Variants in ADCY7 observed in about 807,000 individuals in gnomAD.
ADCY7 encodes the protein adenylate cyclase type 7.
Under a neutral mutation model 120.6 loss-of-function variants are expected in ADCY7, and 72 were observed. That is an observed-to-expected ratio of 0.60 (90% confidence interval 0.49 to 0.73). The LOEUF (loss-of-function observed/expected upper bound fraction) is 0.73. Ranked by LOEUF, ADCY7 falls within the 30% of genes least tolerant of loss-of-function variation. The pLI is 0.00. For missense variants in ADCY7, 1,227 were observed against 1,486.0 expected (o/e 0.83, Z 2.87); for synonymous variants, 661 against 628.0 (o/e 1.05, Z -0.78).
At position 50,307,042 on chromosome 16, in the gene ADCY7, GC is replaced by G; in HGVS notation, c.1753-3del. 4 of 1,604,588 alleles carry G rather than the reference GC, an allele frequency of 2.5e-6. No homozygotes were observed. Among genetic ancestry groups the G allele is most frequent in the Non-Finnish European group, 1.7e-6 (2 of 1,178,870 alleles). ...GTGGCCACCCCTCACAGTCCCTGCT[GC>G]CCCCAGTACCGCCTGGCACCCATCC... On this transcript the variant is annotated splice_polypyrimidine_tract_variant and splice_region_variant and intron_variant, in intron 14 of 25. Transcript: ENST00000673801.
At chr16:50,306,960 G>A (rs1481446873) in intron 14 of ADCY7, 90 bp from the exon 15 acceptor site, 3 of 961,346 alleles carry the variant, frequency 3.1e-6, no homozygotes, top group East Asian at 5.1e-5. Context: ...TCCCAGCAGG[G>A]AGGTGTTTTT....
chr16:50,284,216 T>C (rs1205238761), intron 1 of ADCY7, among the ~76,000 whole-genome samples: 1 of 152,108 alleles, frequency 6.6e-6, no homozygotes, highest in Non-Finnish European at 1.5e-5. Context: ...AGTGAGTTCA[T>C]TCCCCCCAGG....
Position 50,308,329 on chromosome 16 carries a change from C to T in ADCY7, c.1853C>T (p.Thr618Met), listed in dbSNP as rs148155774. 162 of 1,614,064 alleles carry T rather than the reference C, an allele frequency of 1.0e-4. No individual in the cohort carries two copies. The highest frequency in any genetic ancestry group is 9.3e-5 in the African/African-American group (7 of 74,930). ...TGAGGTTCTTCCCTCCTCTCCAGGA[C>T]GGCGGCACTGGGTGTGTCCTTCGGG... ...LLVHVLLMPRTAALGVSFGLV... is the reference protein window; with the variant it reads ...LLVHVLLMPRMAALGVSFGLV... The change falls in exon 16 of 26, where the codon ACG becomes ATG. Residue 618 changes from threonine (T) to methionine (M), a missense_variant and splice_region_variant. Thr to Met is a moderately conservative substitution (Grantham distance 81, BLOSUM62 -1). Around this residue, in one of 5 missense-constraint regions of ADCY7, gnomAD observed 267 missense variants for 270.0 expected, o/e 0.99. Transcript: ENST00000673801.
chr16:50,314,873 A>C, intron 24 of ADCY7, 141 bp from the exon 25 acceptor site: 1 of 1,179,278 alleles, frequency 8.5e-7, no homozygotes, highest in Non-Finnish European at 1.2e-6. Flanking sequence ...CAACGCAGTG[A>C]CTCTGGGAAG....
At chr16:50,254,110 G>T (rs936693440) in intron 1 of ADCY7, among the ~76,000 whole-genome samples, 1 of 152,112 alleles carries the variant, frequency 6.6e-6, no homozygotes, top group Admixed American at 6.6e-5. Flanking sequence ...GGCTAAAAAC[G>T]ACCCCTTCGC....
intron 10 of ADCY7, among the ~76,000 whole-genome samples, 162 bp from the exon 11 acceptor site, chr16:50,304,198 G>T (rs921785596): frequency 6.6e-6 from 1 of 152,170 alleles, no homozygotes; most frequent in Non-Finnish European, 1.5e-5. Context: ...AAGGGCAGCC[G>T]CTCTCCAAGG....
intron 1 of ADCY7, among the ~76,000 whole-genome samples, chr16:50,252,135 T>A (rs1056270655): frequency 1.3e-5 from 2 of 152,120 alleles, no homozygotes; most frequent in African/African-American, 4.8e-5. Context: ...GGCTGCTGTT[T>A]TTTTTCCTTT....
At chr16:50,271,158 G>A (rs555850904) in intron 1 of ADCY7, among the ~76,000 whole-genome samples, 2 of 152,176 alleles carry the variant, frequency 1.3e-5, no homozygotes, top group Non-Finnish European at 2.9e-5. Flanking sequence ...AGGGTTGGGT[G>A]GTGAGTCTGG....
At chr16:50,298,362 G>A (rs1335893162) in intron 7 of ADCY7, among the ~76,000 whole-genome samples, 1 of 152,074 alleles carries the variant, frequency 6.6e-6, no homozygotes, top group Non-Finnish European at 1.5e-5. Flanking sequence ...TCGGTTCCTC[G>A]GGGTCTTAGC....
chr16:50,296,066 T>A (rs2035330300), intron 7 of ADCY7, among the ~76,000 whole-genome samples: 1 of 152,190 alleles, frequency 6.6e-6, no homozygotes, highest in Non-Finnish European at 1.5e-5. Flanking sequence ...TTTTGTTTTG[T>A]TTTTGAGACA....
chr16:50,260,641 A>G (rs1354994334), intron 1 of ADCY7, among the ~76,000 whole-genome samples: 3 of 152,202 alleles, frequency 2.0e-5, no homozygotes, highest in African/African-American at 7.2e-5. Context: ...TGAGGTTGCA[A>G]TCAAGCTGCC....
chr16:50,291,193 G>T (rs1267269979), intron 3 of ADCY7, among the ~76,000 whole-genome samples: 1 of 152,200 alleles, frequency 6.6e-6, no homozygotes, highest in Non-Finnish European at 1.5e-5. Flanking sequence ...AGCACACTCT[G>T]ACCAGTGGGC....
chr16:50,298,691 T>C (rs1376495805), intron 7 of ADCY7, among the ~76,000 whole-genome samples: 5 of 152,146 alleles, frequency 3.3e-5, no homozygotes, highest in African/African-American at 4.8e-5. Context: ...CGTGTTCACC[T>C]CTGGTGCTTG....
At chr16:50,276,435 G>T (rs562721779) in intron 1 of ADCY7, among the ~76,000 whole-genome samples, 1 of 152,328 alleles carries the variant, frequency 6.6e-6, no homozygotes, top group South Asian at 2.1e-4. Context: ...CTAGACTGGG[G>T]CATTTTGCGC....
At chr16:50,249,534 G>A (rs1486357478) in intron 1 of ADCY7, among the ~76,000 whole-genome samples, 1 of 152,224 alleles carries the variant, frequency 6.6e-6, no homozygotes, top group African/African-American at 2.4e-5. Context: ...CTGAGCCCTG[G>A]TCTGTGGGTT....
At position 50,316,718 on chromosome 16, in the gene ADCY7, T is replaced by TCCCAAGGAATTGAAAGTCAA. The variant is rs774852959; in HGVS notation, c.*1216_*1235dup. 3 of 152,282 alleles carry TCCCAAGGAATTGAAAGTCAA rather than the reference T, an allele frequency of 2.0e-5. No individual in the cohort carries two copies. Among genetic ancestry groups the TCCCAAGGAATTGAAAGTCAA allele is most frequent in the Non-Finnish European group, 4.4e-5 (3 of 68,038 alleles). 9.4% of individuals were successfully genotyped at this position (152,282 alleles called of 1,614,324 possible). A position where few individuals can be genotyped will look rare whatever the true frequency, so the allele number is the denominator to read the frequency against. The stretch of plus-strand genomic sequence containing the variant: ...GGATGTGTCTTACTGTGCTTCAACT[T>TCCCAAGGAATTGAAAGTCAA]CCCAAGGAATTGAAAGTCAACCTAA... On this transcript the variant is annotated 3_prime_UTR_variant, in exon 26 of 26. Transcript: ENST00000673801.
In ADCY7 at chr16:50,301,344, G is replaced by A. The variant is rs997576761; in HGVS notation, c.1368+130G>A. 4 of 1,264,414 alleles carry A rather than the reference G, an allele frequency of 3.2e-6. No homozygotes were observed. The East Asian group carries it at 1.0e-4, about 32-fold the overall frequency. The allele number at this position is 1,264,414 out of a possible 1,614,324, so 78.3% of individuals were successfully genotyped here. A position where few individuals can be genotyped will look rare whatever the true frequency, so the allele number is the denominator to read the frequency against. On this transcript the variant is annotated intron_variant, in intron 10 of 25. Coordinates refer to ENST00000673801, the MANE Select transcript of ADCY7 (RefSeq NM_001114.5). Reference sequence around the variant, plus strand: ...GTGGGGAAGGGCCCTGCCTGGGCAGGAGTGAGCTCCCTGTTCCCAGGCACA... The same window carrying A: ...GTGGGGAAGGGCCCTGCCTGGGCAGAAGTGAGCTCCCTGTTCCCAGGCACA...
intron 15 of ADCY7, 109 bp downstream of exon 15, chr16:50,307,256 T>C (rs2036132329): frequency 1.9e-6 from 2 of 1,051,560 alleles, no homozygotes; most frequent in Admixed American, 4.2e-5. Flanking sequence ...GGTCGGCTGC[T>C]GGGGTCCTAG....
At position 50,308,750 on chromosome 16, in the gene ADCY7, C is replaced by G. The variant is rs749208154; in HGVS notation, c.2019C>G (p.Val673=). Residue 673 remains valine, a synonymous_variant, in exon 17 of 26, where the codon GTC becomes GTG. Coordinates refer to ENST00000673801, the MANE Select transcript of ADCY7 (RefSeq NM_001114.5). ...CCCTGCTGAGGCTGACCCTGGCCGT[C>G]CTGACCATCGGCAGCCTGCTCACTG... The part of the protein sequence containing the change: ...TQPLLRLTLA[V]LTIGSLLTVA... The G allele has an allele frequency of 5.6e-6, 9 of 1,613,118 alleles. No homozygotes were observed. The South Asian group carries it at 9.9e-5, about 18-fold the overall frequency.
Sources: allele counts gnomAD v4.1 joint callset (sites outside exome capture counted in the v4.1 genomes callset), GRCh38; gene constraint gnomAD v4.1.1; regional missense constraint gnomAD v4.1.1; transcripts MANE v1.5; gene names NCBI Gene and HGNC (gene_info 2026-07-23, HGNC 2026-07-21).